The following MYRF variants were observed in gnomAD, a reference collection of about 807,000 sequenced individuals.
MYRF encodes the protein myelin regulatory factor.
A neutral mutation model predicts 126.3 loss-of-function variants in MYRF; 16 were observed. That is an observed-to-expected ratio of 0.13 (90% confidence interval 0.09 to 0.19). The LOEUF is 0.19. MYRF is among the 10% of genes least tolerant of loss of function. The probability of loss-of-function intolerance (pLI) is 1.00; values close to 1 mark genes in which losing one functional copy is unlikely to be tolerated. For missense variants in MYRF, 1,104 were observed against 1,547.0 expected, an observed-to-expected ratio of 0.71 and a Z score of 4.80; for synonymous variants, 608 against 635.3, an observed-to-expected ratio of 0.96 and a Z score of 0.65.
rs1555053516 is a variant in MYRF, at chr11:61,761,259, T to TTG, written c.47-4366_47-4365insTG. On this transcript the variant is annotated intron_variant, in intron 1 of 26. Coordinates refer to ENST00000278836, the MANE Select transcript of MYRF (RefSeq NM_001127392.3). ...AGACTCAGCCAACGGCCACAGCTGGTGGGGGGGGGGGCACATAAGCACAAG... is the reference window on the plus strand; with the variant it reads ...AGACTCAGCCAACGGCCACAGCTGGTTGGGGGGGGGGGGCACATAAGCACAAG... 1.5e-3 allele frequency among the ~76,000 whole-genome samples: 121 copies of TTG among 78,284 alleles called. 5 individuals are homozygous for TTG. In the East Asian group the frequency reaches 0.028, roughly 18 times the overall value. 51.4% of individuals were successfully genotyped at this position (78,284 alleles called of 152,430 possible).
Position 61,778,635 on chromosome 11 carries a change from G to C in MYRF, c.2013+146G>C. The C allele has an allele frequency of 2.9e-6, 2 of 681,280 alleles. No homozygotes were observed. Among genetic ancestry groups the C allele is most frequent in the South Asian group, 3.1e-5 (2 of 63,876 alleles). 42.2% of individuals were successfully genotyped at this position (681,280 alleles called of 1,614,324 possible). On this transcript the variant is annotated intron_variant, in intron 14 of 26. Coordinates refer to ENST00000278836, the MANE Select transcript of MYRF (RefSeq NM_001127392.3). This position sits in a 1 kb window ranked among gnomAD's most constrained non-coding sequence, Gnocchi z 4.6. ...TCATGCTGCCTCCAGAGCGCCCTCT[G>C]CACCCCACAGGGAAGGGGTGAGTGT...
At chr11:61,759,089 T>G (rs1233385420) in intron 1 of MYRF, among the ~76,000 whole-genome samples, 2 of 152,176 alleles carry the variant, frequency 1.3e-5, no homozygotes, top group Non-Finnish European at 2.9e-5. Context: ...GCCACGCCGG[T>G]GTGTAGGCAC....
chr11:61,775,600 C>T (rs1195748957), intron 8 of MYRF, among the ~76,000 whole-genome samples: 2 of 151,896 alleles, frequency 1.3e-5, no homozygotes, highest in Admixed American at 1.3e-4. Flanking sequence ...GTAGAGGAGA[C>T]GTGGGTATGG....
In MYRF at chr11:61,781,706, T is replaced by C. The variant is rs887396333; in HGVS notation, c.2898T>C (p.Pro966=). The change falls in exon 22 of 27, where the codon CCT becomes CCC. Residue 966 remains proline, a synonymous_variant. Transcript: ENST00000278836. ...EPLASPAVPF[P]GGQGKAKNSP... ...TGGCCAGCCCTGCAGTCCCCTTCCC[T>C]GGGGGGCAGGGCAAAGCCAAGAACA... The C allele has an allele frequency of 1.2e-6, 2 of 1,613,342 alleles. No homozygotes were observed. The highest frequency in any genetic ancestry group is 1.6e-4 in the Middle Eastern group (1 of 6,062).
chr11:61,777,583 AGGGAGGCTGGCC>A lies in MYRF; in HGVS notation c.1791+120_1791+131del, dbSNP rs2066421106. Reference sequence around the variant, plus strand: ...GGCGGAGCTGCGGGGGAAGGAAGGGAGGGAGGCTGGCCTCGAATCCCGATCTAACCACTCCAG... The same window carrying A: ...GGCGGAGCTGCGGGGGAAGGAAGGGATCGAATCCCGATCTAACCACTCCAG... On this transcript the variant is annotated intron_variant, in intron 12 of 26. Coordinates refer to ENST00000278836, the MANE Select transcript of MYRF (RefSeq NM_001127392.3). This position sits in a 1 kb window ranked among gnomAD's most constrained non-coding sequence, Gnocchi z 8.8. 1.4e-6 allele frequency: 2 copies of A among 1,382,142 alleles called. No homozygotes were observed. The highest frequency in any genetic ancestry group is 2.0e-6 in the Non-Finnish European group (2 of 1,010,764). 85.6% of individuals were successfully genotyped at this position (1,382,142 alleles called of 1,614,324 possible).
rs759861609 is a variant in MYRF at position 61,770,420 on chromosome 11, C to T, written c.635C>T (p.Pro212Leu). The stretch of plus-strand genomic sequence containing the variant: ...GATCTGTACATGAAGGCCGAGCCCC[C>T]GATCCCCCACTACGCTGCCATGGGG... ...QRDLYMKAEP[P>L]IPHYAAMGQG... Residue 212 changes from proline (P) to leucine (L), a missense_variant, in exon 5 of 27, where the codon CCG becomes CTG. Pro to Leu is a moderately conservative substitution (Grantham distance 98). This residue lies in a region of MYRF where 368 missense variants were observed against 403.9 expected (regional missense o/e 0.91). Coordinates refer to ENST00000278836, the MANE Select transcript of MYRF (RefSeq NM_001127392.3). 1.9e-5 allele frequency: 29 copies of T among 1,554,252 alleles called. No homozygotes were observed. Among genetic ancestry groups the T allele is most frequent in the African/African-American group, 6.8e-5 (5 of 73,316 alleles).
At chr11:61,780,897 G>A (rs1016839971) in intron 19 of MYRF, 63 bp from the exon 20 acceptor site, 1 of 1,597,416 alleles carries the variant, frequency 6.3e-7, no homozygotes, top group African/African-American at 1.3e-5. Flanking sequence ...CTCCAGGACT[G>A]TCAGGCCCTC....
chr11:61,776,250 G>C lies in MYRF; in HGVS notation c.1389-72G>C. 6.4e-7 allele frequency: 1 copy of C among 1,564,870 alleles called. No individual in the cohort carries two copies. The highest frequency in any genetic ancestry group is 8.8e-7 in the Non-Finnish European group (1 of 1,141,826). ...TCCGCCTCATGTACGTTGCTGGCCT[G>C]GGTGCCCCTCAGTGGCGTGGCTCTT... On this transcript the variant is annotated intron_variant, in intron 9 of 26. Transcript: ENST00000278836. This position sits in a 1 kb window ranked among gnomAD's most constrained non-coding sequence, Gnocchi z 4.3.
rs2066733610 is a variant in MYRF at position 61,788,013 on chromosome 11, G to A, written c.*1870G>A. 1 of 152,744 alleles carries A rather than the reference G, an allele frequency of 6.5e-6. No homozygotes were observed. The highest frequency in any genetic ancestry group is 2.4e-5 in the African/African-American group (1 of 41,438). The allele number at this position is 152,744 out of a possible 1,614,324, so 9.5% of individuals were successfully genotyped here. ...AGTGCAGGAGTTGGGGACAGGCTGG[G>A]GATCCAAGCTGCTTGAGGGGGTCAA... On this transcript the variant is annotated 3_prime_UTR_variant, in exon 27 of 27. Transcript: ENST00000278836.
Position 61,771,497 on chromosome 11 carries a change from C to G in MYRF, c.741-3C>G. On this transcript the variant is annotated splice_region_variant and splice_polypyrimidine_tract_variant and intron_variant, in intron 5 of 26. Coordinates refer to ENST00000278836, the MANE Select transcript of MYRF (RefSeq NM_001127392.3). ...CCCACGGCGCACACTTCTGTTTCCC[C>G]AGGCTCCCTACACACCCCTCCAAGA... is the stretch of plus-strand genomic sequence containing the variant. 1 of 1,609,652 alleles carries G rather than the reference C, an allele frequency of 6.2e-7. No individual in the cohort carries two copies. The highest frequency in any genetic ancestry group is 1.3e-5 in the African/African-American group (1 of 74,956).
At chr11:61,763,105 G>T (rs140183696) in intron 1 of MYRF, among the ~76,000 whole-genome samples, 4 of 152,110 alleles carry the variant, frequency 2.6e-5, no homozygotes, top group East Asian at 1.9e-4. Flanking sequence ...TAGATTCCAA[G>T]TTCAGGCTCA....
intron 1 of MYRF, 96 bp downstream of exon 1, chr11:61,752,886 C>T (rs1406317979): frequency 3.2e-6 from 4 of 1,235,776 alleles, no homozygotes; most frequent in Non-Finnish European, 4.3e-6. Flanking sequence ...GTTTCCGCCT[C>T]CTCTGGCTGG....
In MYRF at chr11:61,775,601, G is replaced by T. The variant is rs531589157; in HGVS notation, c.1312-455G>T. Reference sequence around the variant, plus strand: ...GTGCACGTGGAGGAGTAGAGGAGACGTGGGTATGGAGAGGATCTGGGGAGT... The same window carrying T: ...GTGCACGTGGAGGAGTAGAGGAGACTTGGGTATGGAGAGGATCTGGGGAGT... On this transcript the variant is annotated intron_variant, in intron 8 of 26. Coordinates refer to ENST00000278836, the MANE Select transcript of MYRF (RefSeq NM_001127392.3). Among the ~76,000 whole-genome samples, 9 of 152,278 alleles carry T rather than the reference G, an allele frequency of 5.9e-5. No homozygotes were observed. The East Asian group carries it at 1.5e-3, about 26-fold the overall frequency.
chr11:61,764,130 G>C (rs1001445514), intron 1 of MYRF, among the ~76,000 whole-genome samples: 2 of 152,228 alleles, frequency 1.3e-5, no homozygotes, highest in African/African-American at 4.8e-5. Flanking sequence ...CGAGCTGGGG[G>C]TGGGGGTCAG....
At chr11:61,784,693 C>T (rs1446427014) in intron 25 of MYRF, 5 of 289,282 alleles carry the variant, frequency 1.7e-5, no homozygotes, top group Admixed American at 9.5e-5. Context: ...GAGCCCATGG[C>T]GGGGAGGGCT....
chr11:61,785,630 T>C (rs1241408275), intron 25 of MYRF, 170 bp from the exon 26 acceptor site: 37 of 630,498 alleles, frequency 5.9e-5, no homozygotes, highest in Non-Finnish European at 9.6e-5. Context: ...GTAGCTGCCA[T>C]TGCTCCTTCT....
intron 25 of MYRF, 183 bp from the exon 26 acceptor site, chr11:61,785,617 G>A (rs1411306064): frequency 1.6e-6 from 1 of 614,178 alleles, no homozygotes; most frequent in African/African-American, 1.8e-5. Context: ...CGGTCTGCAT[G>A]GAGTAGCTGC....
chr11:61,781,206 C>A lies in MYRF; in HGVS notation c.2641C>A (p.Pro881Thr). 6.2e-7 allele frequency: 1 copy of A among 1,614,098 alleles called. No individual in the cohort carries two copies. Among genetic ancestry groups the A allele is most frequent in the Non-Finnish European group, 8.5e-7 (1 of 1,180,020 alleles). The change falls in exon 21 of 27, where the codon CCC (proline) becomes ACC (threonine). Residue 881 changes from proline to threonine, a missense_variant. By Grantham distance (38) the Pro-to-Thr change is conservative. Around this residue, in one of 10 missense-constraint regions of MYRF, gnomAD observed 323 missense variants for 383.1 expected, o/e 0.84. Coordinates refer to ENST00000278836, the MANE Select transcript of MYRF (RefSeq NM_001127392.3). ...CACCTTGGACATGTGTTCCAGCCAC[C>A]CCTGCCCTGTCATCTGCTGTTCCTC... ...VRTLDMCSSH[P>T]CPVICCSSPT...
At position 61,765,685 on chromosome 11, in the gene MYRF, A is replaced by T. The variant is rs759679203; in HGVS notation, c.107A>T (p.Tyr36Phe). Reference sequence around the variant, plus strand: ...ATAGACACCAGCATCCTGGAGGAGTACATCAGCAAGGAGGATGCCTCCGAC... The same window carrying T: ...ATAGACACCAGCATCCTGGAGGAGTTCATCAGCAAGGAGGATGCCTCCGAC... ...SNIDTSILEEYISKEDASDLC... is the reference protein window; with the variant it reads ...SNIDTSILEEFISKEDASDLC... The change falls in exon 2 of 27, where the codon TAC becomes TTC. Residue 36 changes from tyrosine (Y) to phenylalanine (F), a missense_variant. By Grantham distance (22) the Tyr-to-Phe change is conservative (BLOSUM62 3). Coordinates refer to ENST00000278836, the MANE Select transcript of MYRF (RefSeq NM_001127392.3). 3 of 1,612,806 alleles carry T rather than the reference A, an allele frequency of 1.9e-6. No individual in the cohort carries two copies. In the Admixed American group the frequency reaches 5.0e-5, roughly 27 times the overall value.
Sources: allele counts gnomAD v4.1 joint callset (sites outside exome capture counted in the v4.1 genomes callset), GRCh38; gene constraint gnomAD v4.1.1; regional missense constraint gnomAD v4.1.1; non-coding constraint Gnocchi (gnomAD v3.1); transcripts MANE v1.5; gene names NCBI Gene and HGNC (gene_info 2026-07-23, HGNC 2026-07-21).